Variants in DYNC2H1 observed in about 807,000 individuals in gnomAD.
DYNC2H1 encodes the protein cytoplasmic dynein 2 heavy chain 1.
In DYNC2H1, 410 loss-of-function variants were observed where a neutral mutation model predicts 570.0. That is an observed-to-expected ratio of 0.72 (90% CI 0.66 to 0.78). The LOEUF is 0.78. DYNC2H1 is among the 30% of genes least tolerant of loss of function. The probability of loss-of-function intolerance (pLI) is 0.00; values close to 1 mark genes in which losing one functional copy is unlikely to be tolerated. For synonymous variants in DYNC2H1, 1,688 were observed against 1,677.6 expected, an observed-to-expected ratio of 1.01 and a Z score of -0.15; for missense variants, 4,865 against 5,046.4, an observed-to-expected ratio of 0.96 and a Z score of 1.09.
chr11:103,309,166 C>CTTTTTTTTTTTTTTTTTTT (rs1274431520), intron 78 of DYNC2H1, among the ~76,000 whole-genome samples: 30 of 56,502 alleles, frequency 5.3e-4, no homozygotes, highest in Non-Finnish European at 8.3e-4. Context: ...TAACTGCATG[C>CTTTTTTTTTTTTTTTTTTT]TATTTTTTTT....
intron 35 of DYNC2H1, 75 bp downstream of exon 35, chr11:103,173,380 C>A: frequency 9.6e-7 from 1 of 1,046,874 alleles, no homozygotes; most frequent in Non-Finnish European, 1.3e-6. Context: ...TGATCATTTT[C>A]ATATTTTCTC....
At chr11:103,184,452 A>G (rs1861983569) in intron 40 of DYNC2H1, among the ~76,000 whole-genome samples, 1 of 151,922 alleles carries the variant, frequency 6.6e-6, no homozygotes, top group South Asian at 2.1e-4. Context: ...GTTTCATTTA[A>G]AAATTCTTTC....
chr11:103,257,542 G>A (rs1294024320), intron 68 of DYNC2H1, 66 bp from the exon 69 acceptor site: 1 of 1,436,176 alleles, frequency 7.0e-7, no homozygotes, highest in East Asian at 2.5e-5. Flanking sequence ...GTAGTCTTTA[G>A]GTGGCAGTAA....
At chr11:103,308,022 T>C (rs1867380041) in intron 78 of DYNC2H1, among the ~76,000 whole-genome samples, 191 bp downstream of exon 78, 1 of 152,240 alleles carries the variant, frequency 6.6e-6, no homozygotes, top group Non-Finnish European at 1.5e-5. Context: ...TTCATACTTA[T>C]GTTTTTTGTT....
At chr11:103,113,984 A>T (rs938014512) in intron 2 of DYNC2H1, 119 bp from the exon 3 acceptor site, 1 of 1,180,574 alleles carries the variant, frequency 8.5e-7, no homozygotes, top group East Asian at 2.6e-5. Context: ...TATTCTTCTT[A>T]TGAAGTGGAG....
chr11:103,429,009 C>G (rs1469802072), intron 84 of DYNC2H1, among the ~76,000 whole-genome samples: 1 of 151,246 alleles, frequency 6.6e-6, no homozygotes, highest in African/African-American at 2.4e-5. Context: ...GCCTGTAATC[C>G]TAGCACTTTG....
At chr11:103,250,292 A>T (rs1293936345) in intron 65 of DYNC2H1, among the ~76,000 whole-genome samples, 1 of 151,894 alleles carries the variant, frequency 6.6e-6, no homozygotes, top group Non-Finnish European at 1.5e-5. Flanking sequence ...TTCATTGATT[A>T]GTCTTGATAG....
At chr11:103,168,604 A>G (rs1202323431) in intron 31 of DYNC2H1, 151 bp from the exon 32 acceptor site, 2 of 746,764 alleles carry the variant, frequency 2.7e-6, no homozygotes, top group African/African-American at 3.7e-5. Context: ...TGACTTTTTT[A>G]GCTTATGTGA....
chr11:103,432,354 C>T (rs1241144544), intron 84 of DYNC2H1, among the ~76,000 whole-genome samples: 2 of 152,160 alleles, frequency 1.3e-5, no homozygotes, highest in Non-Finnish European at 2.9e-5. Context: ...TCTTCTGCAG[C>T]TTCTCCTGTA....
intron 73 of DYNC2H1, among the ~76,000 whole-genome samples, chr11:103,285,587 A>T (rs1276105001): frequency 2.0e-5 from 3 of 150,688 alleles, no homozygotes; most frequent in African/African-American, 7.3e-5. Context: ...CAGCCTGACT[A>T]ATTTTTTTTG....
intron 10 of DYNC2H1, 30 bp from the exon 11 acceptor site, chr11:103,122,795 A>G (rs772834544): frequency 1.8e-5 from 29 of 1,592,060 alleles, no homozygotes; most frequent in Non-Finnish European, 8.6e-7. Flanking sequence ...AATTTAAATA[A>G]TGCACATGTC....
At chr11:103,424,775 C>G (rs1055604616) in intron 84 of DYNC2H1, among the ~76,000 whole-genome samples, 1 of 151,436 alleles carries the variant, frequency 6.6e-6, no homozygotes, top group Non-Finnish European at 1.5e-5. Flanking sequence ...TACAAATGCT[C>G]CTGCCATGAC....
chr11:103,477,563 G>A (rs1184061081), intron 88 of DYNC2H1, among the ~76,000 whole-genome samples: 1 of 152,042 alleles, frequency 6.6e-6, no homozygotes, highest in Non-Finnish European at 1.5e-5. Flanking sequence ...CGGATGCAGT[G>A]GCTCACGCCT....
intron 19 of DYNC2H1, 123 bp downstream of exon 19, chr11:103,148,010 G>A: frequency 2.9e-6 from 2 of 681,798 alleles, no homozygotes; most frequent in Admixed American, 3.2e-5. Context: ...TTTAAAAAAA[G>A]CAGGAAAAGT....
chr11:103,121,090 C>A, intron 9 of DYNC2H1, 54 bp downstream of exon 9: 2 of 1,185,498 alleles, frequency 1.7e-6, no homozygotes, highest in Non-Finnish European at 2.3e-6. Context: ...TTGTATATTA[C>A]TTTTTTCTTC....
chr11:103,257,611 C>T lies in DYNC2H1; in HGVS notation c.10465C>T (p.Arg3489Trp), dbSNP rs376682072. 175 of 1,609,362 alleles carry T rather than the reference C, an allele frequency of 1.1e-4. No homozygotes were observed. The highest frequency in any genetic ancestry group is 1.3e-4 in the Non-Finnish European group (155 of 1,177,316). Residue 3489 changes from arginine to tryptophan, a missense_variant, in exon 69 of 89, where the codon CGG (arginine) becomes TGG (tryptophan). Arg to Trp is a moderately radical substitution (Grantham distance 101). Transcript: ENST00000375735. ...YKLQISLDQE[R>W]DAYLPLAESA... ...CTACTGATCTCTTGATCCATAGGAA[C>T]GGGATGCCTATCTCCCCCTGGCTGA...
In DYNC2H1 at chr11:103,371,428, G is replaced by T. The variant is rs1941141090; in HGVS notation, c.12156+13069G>T. ...CGAGAGCTTCTCAAATCTAGAGAAA[G>T]ATATCAATATTCACATACAAGAAGG... On this transcript the variant is annotated intron_variant, in intron 83 of 88. Coordinates refer to ENST00000375735, the MANE Select transcript of DYNC2H1 (RefSeq NM_001377.3). Among the ~76,000 whole-genome samples the T allele has an allele frequency of 2.0e-5, 3 of 152,224 alleles. 1 individual carries two copies. The South Asian group carries it at 6.2e-4, about 32-fold the overall frequency.
chr11:103,479,315 C>T lies in DYNC2H1; in HGVS notation c.*62C>T, dbSNP rs1486061490. 12 of 1,544,842 alleles carry T rather than the reference C, an allele frequency of 7.8e-6. No individual in the cohort carries two copies. In the East Asian group the frequency reaches 2.7e-4, roughly 35 times the overall value. On this transcript the variant is annotated 3_prime_UTR_variant, in exon 89 of 89. Transcript: ENST00000375735. ...AACATTGATTCTTTAAGCTTTAAAT[C>T]AAACATGTGGTCAGTCTACATTTGA...
intron 85 of DYNC2H1, among the ~76,000 whole-genome samples, chr11:103,436,604 A>C (rs1248919416): frequency 6.6e-6 from 1 of 152,134 alleles, no homozygotes; most frequent in Non-Finnish European, 1.5e-5. Flanking sequence ...ATTAACGTCT[A>C]CTATCACATG....
Sources: allele counts gnomAD v4.1 joint callset (sites outside exome capture counted in the v4.1 genomes callset), GRCh38; gene constraint gnomAD v4.1.1; transcripts MANE v1.5; gene names NCBI Gene and HGNC (gene_info 2026-07-23, HGNC 2026-07-21).